ST3GAL3: variants seen among roughly 807,000 people sequenced by gnomAD.
ST3GAL3 encodes CMP-N-acetylneuraminate-beta-1,4-galactoside alpha-2,3-sialyltransferase.
ST3GAL3 carries 21 observed loss-of-function variants against 50.1 expected under a neutral mutation model. The ratio of observed to expected loss-of-function variants is 0.42; its 90% CI spans 0.30 to 0.60. The LOEUF is 0.60. Among genes scored for constraint, ST3GAL3 ranks in the 20% least tolerant of loss-of-function variants. ST3GAL3 has a pLI of 0.19. For synonymous variants in ST3GAL3, 183 were observed against 190.0 expected (o/e 0.96, Z 0.30); for missense variants, 353 against 489.4 (o/e 0.72, Z 2.63).
At chr1:43,862,316 C>T (rs866837205) in intron 5 of ST3GAL3, among the ~76,000 whole-genome samples, 2 of 152,222 alleles carry the variant, frequency 1.3e-5, no homozygotes, top group Non-Finnish European at 2.9e-5. Context: ...TCTGTGTGCA[C>T]CTCTATCTGT....
chr1:43,747,857 A>C (rs974163310), intron 2 of ST3GAL3, among the ~76,000 whole-genome samples: 1 of 152,054 alleles, frequency 6.6e-6, no homozygotes, highest in African/African-American at 2.4e-5. Flanking sequence ...TTGGGATTAC[A>C]GGTGTGAGTC....
intron 3 of ST3GAL3, among the ~76,000 whole-genome samples, chr1:43,793,434 A>G (rs2058327030): frequency 6.6e-6 from 1 of 152,220 alleles, no homozygotes; most frequent in African/African-American, 2.4e-5. Context: ...TTTGTTGACT[A>G]TAATCACTCT....
chr1:43,879,501 G>A, intron 5 of ST3GAL3: 1 of 443,570 alleles, frequency 2.3e-6, no homozygotes. Context: ...CGTAGCAGTG[G>A]AGAGAGGTAA....
intron 3 of ST3GAL3, chr1:43,801,658 A>G: frequency 4.2e-6 from 1 of 235,300 alleles, no homozygotes; most frequent in Non-Finnish European, 8.7e-6. Context: ...AATATTACAG[A>G]ACTGTGATGA....
intron 2 of ST3GAL3, among the ~76,000 whole-genome samples, chr1:43,748,423 A>ATT (rs1215322512): frequency 0.023 from 2,543 of 110,988 alleles, 63 homozygotes; most frequent in African/African-American, 0.049. Flanking sequence ...AACAGCCCCC[A>ATT]TTTTTTTTTT....
chr1:43,869,405 C>T (rs1032387823), intron 5 of ST3GAL3, among the ~76,000 whole-genome samples: 1 of 152,126 alleles, frequency 6.6e-6, no homozygotes, highest in Non-Finnish European at 1.5e-5. Flanking sequence ...AGGGCCCCTC[C>T]CTGTCACAGT....
intron 5 of ST3GAL3, chr1:43,858,010 C>A: frequency 1.9e-6 from 1 of 537,588 alleles, no homozygotes; most frequent in Non-Finnish European, 3.0e-6. Context: ...CCAACCGATC[C>A]CTCTTCACAG....
At chr1:43,788,481 CTT>C (rs888207961) in intron 2 of ST3GAL3, among the ~76,000 whole-genome samples, 2 of 152,142 alleles carry the variant, frequency 1.3e-5, no homozygotes, top group African/African-American at 2.4e-5. Flanking sequence ...TGCGGAGACT[CTT>C]TGTGTGAGCA....
intron 1 of ST3GAL3, among the ~76,000 whole-genome samples, chr1:43,709,157 G>C (rs1379676357): frequency 6.6e-6 from 1 of 152,166 alleles, no homozygotes; most frequent in Non-Finnish European, 1.5e-5. Flanking sequence ...GAGAAAGTGA[G>C]GATGACAAAG....
At chr1:43,842,797 CAA>C (rs71036642) in intron 5 of ST3GAL3, 29,258 of 103,858 alleles carry the variant, frequency 0.28, 3,606 homozygotes, top group African/African-American at 0.42. Context: ...GACTCCATCT[CAA>C]AAAAAAAAAA....
chr1:43,735,110 G>C (rs1422939460), intron 1 of ST3GAL3, among the ~76,000 whole-genome samples: 2 of 152,108 alleles, frequency 1.3e-5, no homozygotes, highest in Non-Finnish European at 2.9e-5. Flanking sequence ...AGAGTAAATC[G>C]AGGCTCAGTC....
chr1:43,767,209 A>G lies in ST3GAL3; in HGVS notation c.119-24893A>G, dbSNP rs115260149. ...CTTGGAAAGGCCTTGTGGTGGAGGT[A>G]ACATCTGAGCTGAGTAGGGAGGGCT... On this transcript the variant is annotated intron_variant, in intron 2 of 11. Transcript: ENST00000347631. Among the ~76,000 whole-genome samples, 698 of 152,250 alleles carry G rather than the reference A, an allele frequency of 4.6e-3. 5 individuals are homozygous for G. Among genetic ancestry groups the G allele is most frequent in the African/African-American group, 0.016 (659 of 41,536 alleles).
At chr1:43,890,013 G>A (rs1333263993) in intron 5 of ST3GAL3, among the ~76,000 whole-genome samples, 3 of 152,210 alleles carry the variant, frequency 2.0e-5, no homozygotes, top group East Asian at 1.9e-4. Context: ...CTACGCAGGA[G>A]GCTGAGGTGG....
At chr1:43,736,560 G>A in intron 2 of ST3GAL3, 180 bp downstream of exon 2, 1 of 1,097,748 alleles carries the variant, frequency 9.1e-7, no homozygotes, top group Non-Finnish European at 1.3e-6. Context: ...GAACTTTGAT[G>A]TTTTTTAAAA....
At chr1:43,830,662 A>C (rs1469905381) in intron 4 of ST3GAL3, among the ~76,000 whole-genome samples, 1 of 152,302 alleles carries the variant, frequency 6.6e-6, no homozygotes, top group East Asian at 1.9e-4. Context: ...TTTAACTACA[A>C]ATTTTATGAG....
rs566191492 is a variant in ST3GAL3 at position 43,727,054 on chromosome 1, C to T, written c.-30-9179C>T. Among the ~76,000 whole-genome samples the T allele has an allele frequency of 3.9e-5, 6 of 152,242 alleles. No homozygotes were observed. In the South Asian group the frequency reaches 1.0e-3, roughly 26 times the overall value. On this transcript the variant is annotated intron_variant, in intron 1 of 11. Coordinates refer to ENST00000347631, the MANE Select transcript of ST3GAL3 (RefSeq NM_006279.5). ...CGTTTCACTCTGAGAGCTTTCTCCC[C>T]CTTTATTAGATTCTTATTTAATGGA... is the stretch of plus-strand genomic sequence containing the variant.
chr1:43,875,765 G>C (rs1223896688), intron 5 of ST3GAL3, among the ~76,000 whole-genome samples: 7 of 152,110 alleles, frequency 4.6e-5, no homozygotes, highest in African/African-American at 1.7e-4. Flanking sequence ...AAATGACCCA[G>C]TCTTGGGTAT....
chr1:43,912,459 A>G (rs1308137623), intron 9 of ST3GAL3: 1 of 152,154 alleles, frequency 6.6e-6, no homozygotes, highest in East Asian at 1.9e-4. Flanking sequence ...TGGGCAGTGG[A>G]AAGCCACTGA....
At chr1:43,838,077 T>C in intron 4 of ST3GAL3, 142 bp from the exon 5 acceptor site, 1 of 573,990 alleles carries the variant, frequency 1.7e-6, no homozygotes, top group Non-Finnish European at 3.0e-6. Context: ...ATTGCGCCAC[T>C]GCACTCCAGC....
Sources: allele counts gnomAD v4.1 joint callset (sites outside exome capture counted in the v4.1 genomes callset), GRCh38; gene constraint gnomAD v4.1.1; transcripts MANE v1.5; gene names NCBI Gene and HGNC (gene_info 2026-07-23, HGNC 2026-07-21).